FOXP1: variants seen among roughly 807,000 people sequenced by gnomAD.
FOXP1 encodes forkhead box protein P1.
In FOXP1, 15 loss-of-function variants were observed where a neutral mutation model predicts 98.2. The observed-to-expected ratio is 0.15, with a 90% CI of 0.10 to 0.24. The LOEUF is 0.24. Ranked by LOEUF, FOXP1 falls within the 10% of genes least tolerant of loss-of-function variation. The probability of loss-of-function intolerance (pLI) is 1.00; values close to 1 mark genes in which losing one functional copy is unlikely to be tolerated. For synonymous variants in FOXP1, 371 were observed against 314.5 expected, an observed-to-expected ratio of 1.18 and a Z score of -1.90; for missense variants, 633 against 848.5, an observed-to-expected ratio of 0.75 and a Z score of 3.15.
At chr3:71,193,677 G>A (rs780550028) in intron 6 of FOXP1, among the ~76,000 whole-genome samples, 1 of 151,560 alleles carries the variant, frequency 6.6e-6, no homozygotes, top group Non-Finnish European at 1.5e-5. Flanking sequence ...TCCAACTCCT[G>A]GCCCCAAGTG....
intron 4 of FOXP1, among the ~76,000 whole-genome samples, chr3:71,315,879 CTCCTATGAAG>C: frequency 6.6e-6 from 1 of 152,364 alleles, no homozygotes; most frequent in South Asian, 2.1e-4. Flanking sequence ...GCTTTACTTT[CTCCTATGAAG>C]TCCTTCACTT....
intron 2 of FOXP1, chr3:71,542,204 T>A (rs2044896216): frequency 5.3e-6 from 2 of 376,606 alleles, no homozygotes; most frequent in Non-Finnish European, 1.1e-5. Context: ...GGCACATAAA[T>A]TTTACAATAC....
intron 6 of FOXP1, among the ~76,000 whole-genome samples, chr3:71,120,531 A>C (rs780051300): frequency 1.3e-5 from 2 of 152,226 alleles, no homozygotes; most frequent in Non-Finnish European, 2.9e-5. Flanking sequence ...CATGGAGAAA[A>C]ATCAGAGCAG....
chr3:71,262,499 T>C (rs764745013), intron 5 of FOXP1, among the ~76,000 whole-genome samples: 14 of 151,652 alleles, frequency 9.2e-5, no homozygotes, highest in Non-Finnish European at 1.6e-4. Flanking sequence ...ATCAAATTTA[T>C]GTAGAAAAGA....
intron 7 of FOXP1, among the ~76,000 whole-genome samples, chr3:71,099,375 G>A (rs1316912648): frequency 6.6e-6 from 1 of 152,132 alleles, no homozygotes; most frequent in South Asian, 2.1e-4. Flanking sequence ...GGCTGGGCGT[G>A]GTGGTGCGCC....
At chr3:71,570,237 G>C (rs1372981006) in intron 2 of FOXP1, 1 of 151,634 alleles carries the variant, frequency 6.6e-6, no homozygotes, top group African/African-American at 2.4e-5. Context: ...ACTTGGCCTG[G>C]GTAAAGAAAC....
At position 71,573,848 on chromosome 3, in the gene FOXP1, T is replaced by C. The variant is rs950969414; in HGVS notation, c.-298+7701A>G. The C allele has an allele frequency of 4.6e-5, 7 of 151,940 alleles. No homozygotes were observed. In the East Asian group the frequency reaches 1.3e-3, roughly 29 times the overall value. 9.4% of individuals were successfully genotyped at this position (151,940 alleles called of 1,614,324 possible). ...TCTATTAGAAAATATCTACCATACA[T>C]CACTAAAAAAAGGTCTGTCATTGAT... On this transcript the variant is annotated intron_variant, in intron 2 of 20. Coordinates refer to ENST00000649528, the MANE Select transcript of FOXP1 (RefSeq NM_001349338.3).
At chr3:71,122,961 G>A (rs1315875277) in intron 6 of FOXP1, among the ~76,000 whole-genome samples, 1 of 152,068 alleles carries the variant, frequency 6.6e-6, no homozygotes, top group Non-Finnish European at 1.5e-5. Context: ...CAGAATGAAA[G>A]GAAGGGTCTT....
intron 6 of FOXP1, among the ~76,000 whole-genome samples, chr3:71,120,181 T>C (rs887879291): frequency 6.6e-6 from 1 of 152,204 alleles, no homozygotes; most frequent in Non-Finnish European, 1.5e-5. Context: ...AACAGTTTCT[T>C]TGTACCAGTC....
chr3:71,072,968 G>A (rs72947426), intron 7 of FOXP1, among the ~76,000 whole-genome samples: 4,479 of 152,244 alleles, frequency 0.029, 228 homozygotes, highest in African/African-American at 0.1. Flanking sequence ...GAGAAAATGC[G>A]TCTAGCCTGC....
chr3:71,361,327 C>G (rs1354413233), intron 3 of FOXP1, among the ~76,000 whole-genome samples: 1 of 151,922 alleles, frequency 6.6e-6, no homozygotes, highest in African/African-American at 2.4e-5. Flanking sequence ...TCTACATTTC[C>G]AAACATTTGT....
At chr3:71,247,086 A>C (rs539829930) in intron 5 of FOXP1, among the ~76,000 whole-genome samples, 1 of 112,962 alleles carries the variant, frequency 8.9e-6, no homozygotes, top group African/African-American at 3.4e-5. Flanking sequence ...CAGTGATCTC[A>C]GTGCTAGCAT....
chr3:71,283,281 T>C (rs143190470), intron 5 of FOXP1, among the ~76,000 whole-genome samples: 2,331 of 152,048 alleles, frequency 0.015, 67 homozygotes, highest in African/African-American at 0.053. Context: ...GCCCCCAGTG[T>C]ACTCCGGAGC....
chr3:71,233,801 C>T (rs997727156), intron 5 of FOXP1, among the ~76,000 whole-genome samples: 2 of 152,008 alleles, frequency 1.3e-5, no homozygotes, highest in African/African-American at 4.8e-5. Context: ...AGGAAGGCAG[C>T]TAAGAAAACT....
chr3:71,258,395 G>C (rs2068816164), intron 5 of FOXP1, among the ~76,000 whole-genome samples: 2 of 152,180 alleles, frequency 1.3e-5, no homozygotes, highest in Non-Finnish European at 2.9e-5. Context: ...GAAGTTCAAG[G>C]GTAGGGCAAA....
At chr3:71,341,719 G>T (rs773907198) in intron 4 of FOXP1, among the ~76,000 whole-genome samples, 4 of 152,098 alleles carry the variant, frequency 2.6e-5, no homozygotes, top group African/African-American at 7.2e-5. Context: ...GAAAAACAAA[G>T]AAGAAAGATT....
At chr3:71,235,394 A>G (rs763898516) in intron 5 of FOXP1, among the ~76,000 whole-genome samples, 12 of 152,206 alleles carry the variant, frequency 7.9e-5, no homozygotes, top group Non-Finnish European at 1.5e-4. Flanking sequence ...AAGCCAAACA[A>G]CATTGCTTTG....
intron 5 of FOXP1, among the ~76,000 whole-genome samples, chr3:71,199,154 A>T (rs375230082): frequency 7.0e-6 from 1 of 143,802 alleles, no homozygotes; most frequent in South Asian, 2.2e-4. Flanking sequence ...GTCGCCGAGG[A>T]TGAAGTGCAG....
intron 3 of FOXP1, among the ~76,000 whole-genome samples, chr3:71,415,232 T>C (rs1391565287): frequency 3.3e-5 from 5 of 152,148 alleles, no homozygotes; most frequent in East Asian, 1.9e-4. Context: ...TTTAAAACCA[T>C]CCTCCATAGA....
Sources: allele counts gnomAD v4.1 joint callset (sites outside exome capture counted in the v4.1 genomes callset), GRCh38; gene constraint gnomAD v4.1.1; transcripts MANE v1.5; gene names NCBI Gene and HGNC (gene_info 2026-07-23, HGNC 2026-07-21).